Variants in PPARGC1A observed in about 807,000 individuals in gnomAD.
PPARGC1A encodes the protein peroxisome proliferator-activated receptor gamma coactivator 1-alpha.
In PPARGC1A, 25 loss-of-function variants were observed where a neutral mutation model predicts 88.7. The ratio of observed to expected loss-of-function variants is 0.28; its 90% confidence interval spans 0.21 to 0.39. The LOEUF is 0.39. Ranked by LOEUF, PPARGC1A falls within the 10% of genes least tolerant of loss-of-function variation. The probability of loss-of-function intolerance (pLI) is 1.00; values close to 1 mark genes in which losing one functional copy is unlikely to be tolerated. For synonymous variants in PPARGC1A, 363 were observed against 355.6 expected (o/e 1.02, Z -0.24); for missense variants, 880 against 968.7 (o/e 0.91, Z 1.22).
the PPARGC1A span, among the ~76,000 whole-genome samples, chr4:24,465,613 A>C: frequency 6.6e-6 from 1 of 152,062 alleles, no homozygotes; most frequent in African/African-American, 2.4e-5. Flanking sequence ...GCACTTTTAC[A>C]TTTCCGCTAG....
chr4:24,450,872 C>G, the PPARGC1A span, among the ~76,000 whole-genome samples: 1 of 152,306 alleles, frequency 6.6e-6, no homozygotes, highest in East Asian at 1.9e-4. Flanking sequence ...ACCTCTCTGC[C>G]TCTTGTTGTC....
chr4:24,030,439 A>T, the PPARGC1A span, among the ~76,000 whole-genome samples: 2 of 152,240 alleles, frequency 1.3e-5, no homozygotes, highest in African/African-American at 4.8e-5. Flanking sequence ...TGAGAAGTTA[A>T]TGAGTTCCAC....
intron 12 of PPARGC1A, among the ~76,000 whole-genome samples, chr4:23,800,175 C>T (rs1718407014): frequency 6.6e-6 from 1 of 151,986 alleles, no homozygotes; most frequent in South Asian, 2.1e-4. Context: ...TTTTTACCAA[C>T]CCAGAGAAAG....
chr4:24,251,169 A>G, the PPARGC1A span, among the ~76,000 whole-genome samples: 4 of 152,228 alleles, frequency 2.6e-5, no homozygotes, highest in Admixed American at 6.5e-5. Context: ...TATTATTAAA[A>G]TAGCCTAGCA....
At chr4:23,901,306 C>G (rs563883344), upstream of PPARGC1A, among the ~76,000 whole-genome samples, 410 of 147,992 alleles carry the variant, frequency 2.8e-3, 3 homozygotes, top group African/African-American at 9.7e-3. Flanking sequence ...GGAGGCGGAG[C>G]TTGCAGTGAG....
chr4:24,222,026 G>A, the PPARGC1A span, among the ~76,000 whole-genome samples: 1 of 143,612 alleles, frequency 7.0e-6, no homozygotes, highest in Non-Finnish European at 1.6e-5. Context: ...ATAACACACT[G>A]GGGGGAAGGT....
the PPARGC1A span, among the ~76,000 whole-genome samples, chr4:24,180,085 A>G: frequency 6.6e-6 from 1 of 152,182 alleles, no homozygotes; most frequent in South Asian, 2.1e-4. Context: ...CTCTGACTAC[A>G]TGTTGAATTT....
chr4:23,886,707 A>G (rs558632426), intron 1 of PPARGC1A, among the ~76,000 whole-genome samples: 1 of 152,250 alleles, frequency 6.6e-6, no homozygotes, highest in African/African-American at 2.4e-5. Flanking sequence ...TGGATGTAAC[A>G]CTGCCCAGAC....
At chr4:24,083,938 GT>G in the PPARGC1A span, among the ~76,000 whole-genome samples, 1 of 152,180 alleles carries the variant, frequency 6.6e-6, no homozygotes, top group Non-Finnish European at 1.5e-5. Flanking sequence ...TGCATTGTGT[GT>G]GTTTCTTCAT....
At chr4:23,844,412 AATATATAATATATT>A (rs1560426288) in intron 2 of PPARGC1A, among the ~76,000 whole-genome samples, 2 of 126,380 alleles carry the variant, frequency 1.6e-5, no homozygotes, top group East Asian at 2.1e-4. Context: ...ATCATATAAT[AATATATAATATATT>A]ATATATATTA....
At chr4:24,342,165 G>A in the PPARGC1A span, among the ~76,000 whole-genome samples, 26 of 152,184 alleles carry the variant, frequency 1.7e-4, no homozygotes, top group Admixed American at 2.0e-4. Flanking sequence ...TTTATGTGCC[G>A]TGAATAAACA....
the PPARGC1A span, among the ~76,000 whole-genome samples, chr4:24,096,527 TA>T: frequency 6.6e-6 from 1 of 152,168 alleles, no homozygotes; most frequent in Admixed American, 6.5e-5. Flanking sequence ...AATTAAAAAA[TA>T]AAATAAATTT....
At chr4:24,095,258 C>T in the PPARGC1A span, among the ~76,000 whole-genome samples, 1 of 151,820 alleles carries the variant, frequency 6.6e-6, no homozygotes, top group African/African-American at 2.4e-5. Context: ...GCTGGGACTA[C>T]AGGCACACAC....
the PPARGC1A span, among the ~76,000 whole-genome samples, chr4:24,183,338 A>G: frequency 1.3e-5 from 2 of 152,140 alleles, no homozygotes; most frequent in African/African-American, 2.4e-5. Flanking sequence ...GTTACCCACA[A>G]TCACTCTAGT....
the PPARGC1A span, among the ~76,000 whole-genome samples, chr4:24,471,409 TC>T: frequency 6.6e-6 from 1 of 151,932 alleles, no homozygotes; most frequent in African/African-American, 2.4e-5. This position sits in a 1 kb window ranked among gnomAD's most constrained non-coding sequence, Gnocchi z 5.4. Flanking sequence ...CAGCTCTACT[TC>T]CCCGCGTAGT....
the PPARGC1A span, among the ~76,000 whole-genome samples, chr4:24,174,948 A>G: frequency 1.3e-5 from 2 of 152,214 alleles, no homozygotes; most frequent in African/African-American, 4.8e-5. Context: ...AAAATGCCCT[A>G]AGAATGCTGT....
the PPARGC1A span, among the ~76,000 whole-genome samples, chr4:24,220,937 A>G: frequency 1.8e-4 from 27 of 152,316 alleles, no homozygotes; most frequent in African/African-American, 6.3e-4. Context: ...AGGAACTACT[A>G]AAAGAAATAG....
chr4:24,024,429 G>A, the PPARGC1A span, among the ~76,000 whole-genome samples: 2 of 152,180 alleles, frequency 1.3e-5, no homozygotes, highest in African/African-American at 2.4e-5. Context: ...TACTTCACAT[G>A]AAGCAGTTCC....
chr4:23,895,968 GTGTGTGTGTGTGTA>G (rs1418291585), intron 1 of PPARGC1A, among the ~76,000 whole-genome samples: 10 of 47,576 alleles, frequency 2.1e-4, no homozygotes, highest in Non-Finnish European at 3.9e-4. Context: ...GTGTGTGTGT[GTGTGTGTGTGTGTA>G]TATATATATA....
Sources: allele counts gnomAD v4.1 joint callset (sites outside exome capture counted in the v4.1 genomes callset), GRCh38; gene constraint gnomAD v4.1.1; non-coding constraint Gnocchi (gnomAD v3.1); transcripts MANE v1.5; gene names NCBI Gene and HGNC (gene_info 2026-07-23, HGNC 2026-07-21).